Variants in APBA2 observed in about 807,000 individuals in gnomAD.
The protein encoded by APBA2 is amyloid-beta A4 precursor protein-binding family A member 2.
In APBA2, 30 loss-of-function variants were observed where a neutral mutation model predicts 75.0. The ratio of observed to expected loss-of-function variants is 0.40; its 90% CI spans 0.30 to 0.54. The LOEUF is 0.54. Among genes scored for constraint, APBA2 ranks in the 20% least tolerant of loss-of-function variants. The pLI, the probability that APBA2 is intolerant of heterozygous loss-of-function variation, is 0.49. For synonymous variants in APBA2, 444 were observed against 409.6 expected (o/e 1.08, Z -1.01); for missense variants, 801 against 1,016.1 (o/e 0.79, Z 2.88).
intron 9 of APBA2, among the ~76,000 whole-genome samples, 185 bp downstream of exon 9, chr15:29,098,761 C>T (rs1421154539): frequency 6.6e-6 from 1 of 152,196 alleles, no homozygotes; most frequent in Non-Finnish European, 1.5e-5. Flanking sequence ...GTCGTGCTGG[C>T]GTCACCCCAG....
At chr15:29,105,909 A>G (rs2044378942) in intron 11 of APBA2, among the ~76,000 whole-genome samples, 1 of 152,254 alleles carries the variant, frequency 6.6e-6, no homozygotes, top group Admixed American at 6.5e-5. Context: ...GCTGGAAGCC[A>G]CCAGTAGCAG....
intron 3 of APBA2, among the ~76,000 whole-genome samples, chr15:29,041,743 A>G (rs2041058244): frequency 6.6e-6 from 1 of 151,788 alleles, no homozygotes; most frequent in South Asian, 2.1e-4. Context: ...GCAGGATTTA[A>G]AAAACTAGAT....
At chr15:28,979,794 C>G (rs1334521654) in intron 2 of APBA2, among the ~76,000 whole-genome samples, 1 of 152,128 alleles carries the variant, frequency 6.6e-6, no homozygotes, top group Non-Finnish European at 1.5e-5. Flanking sequence ...GGTCACTTAC[C>G]TCTGGGTCCT....
In APBA2 at chr15:29,075,906, G is replaced by T. The variant is rs2042827856; in HGVS notation, c.1033-149G>T. 4 of 737,232 alleles carry T rather than the reference G, an allele frequency of 5.4e-6. No homozygotes were observed. The Admixed American group carries it at 8.4e-5, about 15-fold the overall frequency. The allele number at this position is 737,232 out of a possible 1,614,324, so 45.7% of individuals were successfully genotyped here. A position where few individuals can be genotyped will look rare whatever the true frequency, so the allele number is the denominator to read the frequency against. ...GTTGCCTGCAGCAGACTGGTTTCCT[G>T]TATGGAGCTGACATCTTCAGAACAC... On this transcript the variant is annotated intron_variant, in intron 5 of 14. Coordinates refer to ENST00000683413, the MANE Select transcript of APBA2 (RefSeq NM_001353788.2).
intron 3 of APBA2, among the ~76,000 whole-genome samples, chr15:29,021,336 T>C (rs1225059353): frequency 6.6e-6 from 1 of 152,154 alleles, no homozygotes; most frequent in Non-Finnish European, 1.5e-5. Flanking sequence ...GAGACCAGCC[T>C]GGCCAACATG....
intron 1 of APBA2, among the ~76,000 whole-genome samples, chr15:28,906,903 A>G (rs2033160958): frequency 1.3e-5 from 2 of 152,026 alleles, no homozygotes; most frequent in Admixed American, 1.3e-4. Context: ...CTCATTTGCT[A>G]TATATATTGC....
intron 3 of APBA2, among the ~76,000 whole-genome samples, chr15:29,004,428 C>T (rs1434197294): frequency 6.6e-6 from 1 of 152,218 alleles, no homozygotes; most frequent in African/African-American, 2.4e-5. Flanking sequence ...CACTCTCAGT[C>T]CTGAAAGCTA....
chr15:28,920,468 C>G (rs2033914649), intron 1 of APBA2, among the ~76,000 whole-genome samples: 1 of 152,208 alleles, frequency 6.6e-6, no homozygotes, highest in African/African-American at 2.4e-5. Flanking sequence ...GTCCCTGGCT[C>G]TTGGTGTGCC....
intron 2 of APBA2, among the ~76,000 whole-genome samples, chr15:28,933,532 C>T (rs977117559): frequency 3.3e-5 from 5 of 152,220 alleles, no homozygotes; most frequent in Non-Finnish European, 7.3e-5. Flanking sequence ...AGACTCCCTT[C>T]AAACAAATGT....
intron 3 of APBA2, among the ~76,000 whole-genome samples, chr15:29,029,337 A>C (rs972833738): frequency 8.6e-5 from 13 of 152,006 alleles, no homozygotes; most frequent in African/African-American, 3.1e-4. Flanking sequence ...TCTACCAAAA[A>C]AAAAAAACCC....
At chr15:29,047,787 T>C (rs2041409620) in intron 3 of APBA2, among the ~76,000 whole-genome samples, 1 of 152,198 alleles carries the variant, frequency 6.6e-6, no homozygotes, top group African/African-American at 2.4e-5. Context: ...CTAAAAACTA[T>C]TAGGATTTAA....
intron 2 of APBA2, among the ~76,000 whole-genome samples, chr15:28,944,220 G>A (rs977547612): frequency 6.6e-6 from 1 of 152,122 alleles, no homozygotes; most frequent in Non-Finnish European, 1.5e-5. Context: ...CATGAATTGC[G>A]GTCACCCAGA....
chr15:29,024,534 G>C (rs4779471), intron 3 of APBA2, among the ~76,000 whole-genome samples: 33,774 of 152,030 alleles, frequency 0.22, 7,209 homozygotes, highest in African/African-American at 0.54. Flanking sequence ...AGAGACTCAC[G>C]TGGACCAGCT....
chr15:28,931,348 C>T (rs1247357578), intron 2 of APBA2, among the ~76,000 whole-genome samples: 1 of 152,164 alleles, frequency 6.6e-6, no homozygotes, highest in Non-Finnish European at 1.5e-5. Context: ...TAGCGGGGGC[C>T]TGGGAATGGG....
intron 4 of APBA2, among the ~76,000 whole-genome samples, chr15:29,068,148 G>A (rs2042456650): frequency 6.6e-6 from 1 of 152,216 alleles, no homozygotes. Flanking sequence ...GAGGTCACAG[G>A]TCAAGCCTTC....
At chr15:29,017,397 C>CTTTTTTTTTTTTTT (rs56993296) in intron 3 of APBA2, among the ~76,000 whole-genome samples, 42 of 102,080 alleles carry the variant, frequency 4.1e-4, no homozygotes, top group South Asian at 6.9e-4. Context: ...TTCTTTCTTT[C>CTTTTTTTTTTTTTT]TTTTTTTTTT....
At chr15:29,115,011 T>A (rs2045003528) in intron 14 of APBA2, among the ~76,000 whole-genome samples, 1 of 151,458 alleles carries the variant, frequency 6.6e-6, no homozygotes, top group African/African-American at 2.4e-5. Flanking sequence ...TGTGTCTGTG[T>A]GTGTGTAGGG....
At chr15:28,984,203 A>T (rs573887483) in intron 2 of APBA2, among the ~76,000 whole-genome samples, 1 of 152,202 alleles carries the variant, frequency 6.6e-6, no homozygotes, top group East Asian at 1.9e-4. Context: ...AGGCGTTATT[A>T]TTCGGGACTC....
At position 28,917,010 on chromosome 15, in the gene APBA2, A is replaced by G. The variant is rs1479479468; in HGVS notation, c.-204-4630A>G. Among the ~76,000 whole-genome samples, 5 of 152,192 alleles carry G rather than the reference A, an allele frequency of 3.3e-5. No individual in the cohort carries two copies. In the East Asian group the frequency reaches 9.6e-4, roughly 29 times the overall value. On this transcript the variant is annotated intron_variant, in intron 1 of 14. Transcript: ENST00000683413. ...CATTCTAAAGAAATACACTTCTCAA[A>G]AAAAGGGAAAGCTAGCAAAAAAGCA... is the stretch of plus-strand genomic sequence containing the variant.
Sources: gnomAD v4.1 joint callset for allele counts (sites outside exome capture counted in the v4.1 genomes callset) on GRCh38, gnomAD v4.1.1 for gene constraint, MANE v1.5 for transcripts, NCBI Gene and HGNC (gene_info 2026-07-23, HGNC 2026-07-21) for gene names.